Variants in ANKRD24 observed in about 807,000 individuals in gnomAD.
ANKRD24 encodes ankyrin repeat domain-containing protein 24.
In ANKRD24, 109 loss-of-function variants were observed where a neutral mutation model predicts 127.8. That is an observed-to-expected ratio of 0.85 (90% CI 0.73 to 1.00). ANKRD24 has a LOEUF of 1.00. ANKRD24 is among the 50% of genes least tolerant of loss of function. ANKRD24 has a pLI of 0.00. For missense variants in ANKRD24, 1,648 were observed against 1,570.2 expected (o/e 1.05, Z -0.84); for synonymous variants, 743 against 671.1 (o/e 1.11, Z -1.66).
chr19:4,192,380 ATT>A (rs142246284), intron 2 of ANKRD24, among the ~76,000 whole-genome samples: 1 of 132,528 alleles, frequency 7.5e-6, no homozygotes. Flanking sequence ...TTAAGTATGC[ATT>A]TTTTTTTTTT....
rs1181853163 is a variant in ANKRD24 at position 4,198,147 on chromosome 19, C to G, written c.37-1536C>G. 2 of 533,270 alleles carry G rather than the reference C, an allele frequency of 3.8e-6. No homozygotes were observed. The highest frequency in any genetic ancestry group is 3.3e-6 in the Non-Finnish European group (1 of 302,284). 33.0% of individuals were successfully genotyped at this position (533,270 alleles called of 1,614,324 possible). A position where few individuals can be genotyped will look rare whatever the true frequency, so the allele number is the denominator to read the frequency against. On this transcript the variant is annotated intron_variant, in intron 2 of 21. Coordinates refer to ENST00000318934, the MANE Select transcript of ANKRD24 (RefSeq NM_001393985.1). This position sits in a 1 kb window ranked among gnomAD's most constrained non-coding sequence, Gnocchi z 6.1. ...CCCGCGGGTCCCCTGGAGATGCAGC[C>G]GGCGGCCTGCGCTGGTGAGGGAGCC...
intron 18 of ANKRD24, among the ~76,000 whole-genome samples, chr19:4,219,254 C>G (rs1970310564): frequency 6.6e-6 from 1 of 151,906 alleles, no homozygotes; most frequent in African/African-American, 2.4e-5. Flanking sequence ...CCACTGCACT[C>G]CAGCCTAGGC....
At chr19:4,194,337 G>C (rs537863806) in intron 2 of ANKRD24, among the ~76,000 whole-genome samples, 2 of 152,226 alleles carry the variant, frequency 1.3e-5, no homozygotes, top group East Asian at 3.9e-4. Flanking sequence ...ATTGTTAGTA[G>C]AGACGGGGTT....
chr19:4,184,254 G>A (rs1568307458), intron 1 of ANKRD24, among the ~76,000 whole-genome samples: 1 of 152,182 alleles, frequency 6.6e-6, no homozygotes, highest in South Asian at 2.1e-4. Flanking sequence ...GTGGGTAACC[G>A]GAGCCGGCAG....
At chr19:4,209,090 C>G (rs1568330971) in intron 11 of ANKRD24, 1 of 320,074 alleles carries the variant, frequency 3.1e-6, no homozygotes, top group African/African-American at 2.2e-5. Context: ...CAGATCTGGC[C>G]TCTTCCCCTC....
chr19:4,202,746 C>T (rs908385087), intron 6 of ANKRD24, 123 bp from the exon 7 acceptor site: 2 of 987,372 alleles, frequency 2.0e-6, no homozygotes, highest in Non-Finnish European at 3.2e-6. Flanking sequence ...AAAATGGAGT[C>T]CCTTGGGGGC....
intron 1 of ANKRD24, 127 bp from the exon 2 acceptor site, chr19:4,186,263 T>A: frequency 6.9e-7 from 1 of 1,458,190 alleles, no homozygotes; most frequent in Non-Finnish European, 9.0e-7. Context: ...CAGGTCTGTG[T>A]CTTGCTCTAG....
At chr19:4,203,601 G>C (rs1001949688) in intron 7 of ANKRD24, among the ~76,000 whole-genome samples, 1 of 151,850 alleles carries the variant, frequency 6.6e-6, no homozygotes, top group Admixed American at 6.6e-5. Context: ...CTCCCACCTC[G>C]GCCACTCAAA....
Position 4,202,841 on chromosome 19 carries a change from C to T in ANKRD24, c.409-28C>T, listed in dbSNP as rs566801844. On this transcript the variant is annotated intron_variant, in intron 6 of 21. Transcript: ENST00000318934. ...AATCAGGCAGCAAGAAGGATGGCTC[C>T]GCCTCAAAGGACTCGCCCCATCCCC... 1.7e-5 allele frequency: 26 copies of T among 1,570,090 alleles called. No homozygotes were observed. The Admixed American group carries it at 1.7e-4, about 10-fold the overall frequency.
Position 4,216,726 on chromosome 19 carries a change from G to C in ANKRD24, c.1566G>C (p.Glu522Asp). 1 of 1,577,802 alleles carries C rather than the reference G, an allele frequency of 6.3e-7. No individual in the cohort carries two copies. Among genetic ancestry groups the C allele is most frequent in the Non-Finnish European group, 8.6e-7 (1 of 1,162,312 alleles). ...AGACACGAGAGGTCCCCAGAGAAGA[G>C]GGGGCAGCCTGTGGGGAGAGTGAGG... ...QQETREVPREEGAACGESEVA... is the reference protein window; with the variant it reads ...QQETREVPREDGAACGESEVA... Residue 522 changes from glutamate to aspartate, a missense_variant, in exon 18 of 22, where the codon GAG (glutamate) becomes GAC (aspartate). By Grantham distance (45) the Glu-to-Asp change is conservative. Transcript: ENST00000318934.
At position 4,199,997 on chromosome 19, in the gene ANKRD24, C is replaced by T; in HGVS notation, c.246C>T (p.Gly82=). The T allele has an allele frequency of 6.4e-7, 1 of 1,564,978 alleles. No homozygotes were observed. Residue 82 remains glycine, a synonymous_variant, in exon 4 of 22, where the codon GGC becomes GGT. Coordinates refer to ENST00000318934, the MANE Select transcript of ANKRD24 (RefSeq NM_001393985.1). The surrounding 1 kb of genome is among the most constrained non-coding windows in gnomAD (Gnocchi z 5.2). The part of the protein sequence containing the change: ...GLVPTKLDPE[G]KSAFHLAAMR... ...TGCCCACGAAGCTAGACCCCGAGGG[C>T]AAGTCCGCGTGAGTGCCCGCGACCC...
chr19:4,211,169 C>T (rs1040291318), intron 13 of ANKRD24, among the ~76,000 whole-genome samples: 1 of 152,168 alleles, frequency 6.6e-6, no homozygotes, highest in Non-Finnish European at 1.5e-5. Context: ...TGCTATTGGG[C>T]ATGCATCTGT....
chr19:4,193,105 A>C (rs923762329), intron 2 of ANKRD24, among the ~76,000 whole-genome samples: 3 of 151,908 alleles, frequency 2.0e-5, no homozygotes, highest in Non-Finnish European at 4.4e-5. Context: ...ATTCGAGACC[A>C]GCCTGGCCAA....
Position 4,216,270 on chromosome 19 carries a change from G to A in ANKRD24, c.1271-14G>A. The A allele has an allele frequency of 6.4e-7, 1 of 1,550,978 alleles. No individual in the cohort carries two copies. The highest frequency in any genetic ancestry group is 8.7e-7 in the Non-Finnish European group (1 of 1,146,614). ...GCCCAGGTCCCCAGGGCCTGACTCT[G>A]CGTCCCCCTCCAGGGGCCGAGGTGC... is the stretch of plus-strand genomic sequence containing the variant. On this transcript the variant is annotated splice_polypyrimidine_tract_variant and intron_variant, in intron 16 of 21. Coordinates refer to ENST00000318934, the MANE Select transcript of ANKRD24 (RefSeq NM_001393985.1).
In ANKRD24 at chr19:4,215,256, C is replaced by T. The variant is rs527675661; in HGVS notation, c.1198-722C>T. On this transcript the variant is annotated intron_variant, in intron 15 of 21. Transcript: ENST00000318934. ...ATCCCACCACTTTGGGAGGCCAAGG[C>T]GGGTGGATCACCTGAGGTCAGGAGT... is the stretch of plus-strand genomic sequence containing the variant. Among the ~76,000 whole-genome samples the T allele has an allele frequency of 5.3e-5, 8 of 152,306 alleles. No homozygotes were observed. The South Asian group carries it at 1.0e-3, about 20-fold the overall frequency.
intron 15 of ANKRD24, 22 bp from the exon 16 acceptor site, chr19:4,215,956 G>T: frequency 1.9e-6 from 3 of 1,566,178 alleles, no homozygotes; most frequent in Non-Finnish European, 2.6e-6. Flanking sequence ...ACCCCGAGCT[G>T]GACTCTGCTC....
At chr19:4,201,559 CT>C (rs1213794198) in intron 5 of ANKRD24, among the ~76,000 whole-genome samples, 4 of 151,976 alleles carry the variant, frequency 2.6e-5, no homozygotes, top group Admixed American at 6.6e-5. Flanking sequence ...CTTAGAGAGT[CT>C]CTGGGTACAG....
At chr19:4,210,789 C>T (rs143461083) in intron 13 of ANKRD24, among the ~76,000 whole-genome samples, 18 of 148,044 alleles carry the variant, frequency 1.2e-4, no homozygotes, top group Non-Finnish European at 2.2e-4. Context: ...CACCACCCCC[C>T]CGGCCAACTC....
chr19:4,204,922 T>G (rs888662180), intron 7 of ANKRD24, among the ~76,000 whole-genome samples: 8 of 152,200 alleles, frequency 5.3e-5, no homozygotes, highest in African/African-American at 1.9e-4. Context: ...GCCAACATGG[T>G]GAAACCCTGT....
Sources: allele counts gnomAD v4.1 joint callset (sites outside exome capture counted in the v4.1 genomes callset), GRCh38; gene constraint gnomAD v4.1.1; non-coding constraint Gnocchi (gnomAD v3.1); transcripts MANE v1.5; gene names NCBI Gene and HGNC (gene_info 2026-07-23, HGNC 2026-07-21).